GLIS3: variants seen among roughly 807,000 people sequenced by gnomAD.
GLIS3 encodes the protein zinc finger protein GLIS3.
GLIS3 carries 53 observed loss-of-function variants against 78.6 expected under a neutral mutation model. That is an observed-to-expected ratio of 0.67 (90% CI 0.54 to 0.85). The LOEUF is 0.85. Among genes scored for constraint, GLIS3 ranks in the 40% least tolerant of loss-of-function variants. The pLI is 0.00. For missense variants in GLIS3, 1,703 were observed against 1,231.1 expected (o/e 1.38, Z -5.74); for synonymous variants, 684 against 509.9 (o/e 1.34, Z -4.60).
chr9:4,354,623 T>A, the GLIS3 span, among the ~76,000 whole-genome samples: 2 of 152,140 alleles, frequency 1.3e-5, no homozygotes, highest in Admixed American at 6.5e-5. Context: ...CATGGAACAG[T>A]GCACTATTCA....
chr9:3,829,363 T>G lies in GLIS3; in HGVS notation c.2603A>C (p.Gln868Pro). ...TCTGTGGAAAACATCAAAACTGGCCTGGCCCATGGATGTAGGGACTAGGCA... is the reference window on the plus strand; with the variant it reads ...TCTGTGGAAAACATCAAAACTGGCCGGGCCCATGGATGTAGGGACTAGGCA... Reference protein sequence around the residue: ...EDCLVPTSMGQASFDVFHRAF... With the variant: ...EDCLVPTSMGPASFDVFHRAF... Residue 868 changes from glutamine to proline, a missense_variant, in exon 10 of 11, where the codon CAG (glutamine) becomes CCG (proline). Transcript: ENST00000381971. 2 of 1,613,798 alleles carry G rather than the reference T, an allele frequency of 1.2e-6. No homozygotes were observed. Among genetic ancestry groups the G allele is most frequent in the Non-Finnish European group, 1.7e-6 (2 of 1,179,744 alleles).
chr9:4,066,284 T>C (rs1048914442), intron 4 of GLIS3, among the ~76,000 whole-genome samples: 1 of 152,228 alleles, frequency 6.6e-6, no homozygotes, highest in Non-Finnish European at 1.5e-5. Flanking sequence ...TGGGAGCCTA[T>C]CTGACCTCAC....
chr9:4,154,035 G>C, intron 2 of GLIS3, among the ~76,000 whole-genome samples: 1 of 152,186 alleles, frequency 6.6e-6, no homozygotes, highest in Non-Finnish European at 1.5e-5. Flanking sequence ...TCAGCTAGGA[G>C]CTACGCTGAG....
intron 2 of GLIS3, among the ~76,000 whole-genome samples, chr9:4,269,712 T>C (rs956887545): frequency 3.3e-5 from 5 of 152,244 alleles, no homozygotes; most frequent in Non-Finnish European, 5.9e-5. Context: ...GGAAATTATA[T>C]TGATTTTTTA....
At chr9:4,459,054 G>C in the GLIS3 span, among the ~76,000 whole-genome samples, 509 of 152,230 alleles carry the variant, frequency 3.3e-3, 6 homozygotes, top group African/African-American at 0.011. Context: ...AAAATAATGA[G>C]ATGAGAAGAA....
intron 4 of GLIS3, among the ~76,000 whole-genome samples, chr9:4,033,580 T>C (rs1003620086): frequency 6.6e-6 from 1 of 152,048 alleles, no homozygotes; most frequent in African/African-American, 2.4e-5. Context: ...GTTTTCCAAA[T>C]AGGAGCATGG....
intron 7 of GLIS3, among the ~76,000 whole-genome samples, chr9:3,892,034 AG>A (rs1375726529): frequency 2.0e-5 from 3 of 152,116 alleles, no homozygotes; most frequent in Non-Finnish European, 2.9e-5. Flanking sequence ...CCCAAGGAAA[AG>A]GTTCCAGTGA....
rs1274422416 is a variant in GLIS3, at chr9:3,912,138, T to C, written c.1984-13303A>G. Among the ~76,000 whole-genome samples, 3 of 152,176 alleles carry C rather than the reference T, an allele frequency of 2.0e-5. No homozygotes were observed. In the East Asian group the frequency reaches 5.8e-4, roughly 29 times the overall value. ...TGATAACATTAACTCCGTAGGCTTGTAACAGAATTACATGAGGTGACCTAA... is the reference window on the plus strand; with the variant it reads ...TGATAACATTAACTCCGTAGGCTTGCAACAGAATTACATGAGGTGACCTAA... On this transcript the variant is annotated intron_variant, in intron 6 of 10. Coordinates refer to ENST00000381971, the MANE Select transcript of GLIS3 (RefSeq NM_001042413.2).
chr9:4,182,461 C>G (rs1363200152), intron 2 of GLIS3, among the ~76,000 whole-genome samples: 4 of 152,186 alleles, frequency 2.6e-5, no homozygotes, highest in Non-Finnish European at 2.9e-5. Flanking sequence ...TGAAACTTCT[C>G]CACACTGTCG....
chr9:4,042,952 A>G (rs1374854245), intron 4 of GLIS3, among the ~76,000 whole-genome samples: 2 of 71,126 alleles, frequency 2.8e-5, no homozygotes, highest in Admixed American at 1.6e-4. Context: ...CTTGAAAAGA[A>G]AAAAAAAAAA....
chr9:3,971,959 G>A lies in GLIS3; in HGVS notation c.1711-34770C>T, dbSNP rs906453547. On this transcript the variant is annotated intron_variant, in intron 4 of 10. Transcript: ENST00000381971. Reference sequence around the variant, plus strand: ...GCATGTGTTTGCTCTGGAGAAAACAGTGAGTAACAGGAAAGATCCCGCTAT... The same window carrying A: ...GCATGTGTTTGCTCTGGAGAAAACAATGAGTAACAGGAAAGATCCCGCTAT... 7.2e-5 allele frequency among the ~76,000 whole-genome samples: 11 copies of A among 152,152 alleles called. 1 individual carries two copies. Among genetic ancestry groups the A allele is most frequent in the African/African-American group, 2.7e-4 (11 of 41,456 alleles).
chr9:4,120,085 G>A (rs560587672), intron 3 of GLIS3, among the ~76,000 whole-genome samples: 168 of 152,202 alleles, frequency 1.1e-3, no homozygotes, highest in Admixed American at 3.1e-3. Flanking sequence ...ACAACAAAAC[G>A]TTATATAAAA....
At chr9:4,168,520 T>A (rs1045746842) in intron 2 of GLIS3, among the ~76,000 whole-genome samples, 1 of 152,204 alleles carries the variant, frequency 6.6e-6, no homozygotes, top group African/African-American at 2.4e-5. Context: ...TGAATTGTGA[T>A]AAAAGCAAGT....
At chr9:4,336,891 T>C (rs1029982253) in intron 2 of GLIS3, among the ~76,000 whole-genome samples, 6 of 152,212 alleles carry the variant, frequency 3.9e-5, no homozygotes, top group Non-Finnish European at 4.4e-5. Flanking sequence ...TGAATACTCA[T>C]ATATTCTGAT....
intron 4 of GLIS3, among the ~76,000 whole-genome samples, chr9:4,077,514 T>C (rs1294671991): frequency 6.6e-6 from 1 of 152,244 alleles, no homozygotes; most frequent in East Asian, 1.9e-4. Flanking sequence ...TTCTGTCTGC[T>C]TCTTTGTTTC....
intron 4 of GLIS3, among the ~76,000 whole-genome samples, chr9:4,036,719 A>C (rs539206): frequency 0.83 from 126,328 of 152,148 alleles, 52,586 homozygotes; most frequent in African/African-American, 0.9. Context: ...CTCCCAAATT[A>C]ATTCCCACCA....
the GLIS3 span, among the ~76,000 whole-genome samples, chr9:4,366,971 T>C: frequency 1.0e-3 from 159 of 152,316 alleles, 1 homozygote; most frequent in African/African-American, 3.7e-3. Flanking sequence ...CAGAAAGACA[T>C]CCATCCCTGA....
intron 2 of GLIS3, among the ~76,000 whole-genome samples, chr9:4,135,880 C>A (rs1323871202): frequency 6.6e-6 from 1 of 152,228 alleles, no homozygotes; most frequent in Non-Finnish European, 1.5e-5. Flanking sequence ...AAACATCCTG[C>A]ATACCAAACA....
chr9:4,357,308 G>A, the GLIS3 span, among the ~76,000 whole-genome samples: 1 of 152,188 alleles, frequency 6.6e-6, no homozygotes, highest in Non-Finnish European at 1.5e-5. Flanking sequence ...CCAAGTGTGG[G>A]TGGGCCTCAT....
Sources: gnomAD v4.1 joint callset for allele counts (sites outside exome capture counted in the v4.1 genomes callset) on GRCh38, gnomAD v4.1.1 for gene constraint, MANE v1.5 for transcripts, NCBI Gene and HGNC (gene_info 2026-07-23, HGNC 2026-07-21) for gene names.